SOX6: variants seen among roughly 807,000 people sequenced by gnomAD.
SOX6 encodes the protein SRY-box transcription factor 6, also known as transcription factor SOX-6.
In SOX6, 11 loss-of-function variants were observed where a neutral mutation model predicts 97.8. That is an observed-to-expected ratio of 0.11 (90% CI 0.07 to 0.19). SOX6 has a LOEUF of 0.19. SOX6 is among the 10% of genes least tolerant of loss of function. The pLI is 1.00. For synonymous variants in SOX6, 360 were observed against 371.4 expected, an observed-to-expected ratio of 0.97 and a Z score of 0.35; for missense variants, 810 against 1,039.5, an observed-to-expected ratio of 0.78 and a Z score of 3.04.
At chr11:16,499,712 G>A (rs530021120) in intron 4 of SOX6, among the ~76,000 whole-genome samples, 1 of 152,294 alleles carries the variant, frequency 6.6e-6, no homozygotes, top group East Asian at 1.9e-4. Context: ...AAATCTAGAA[G>A]AAATGGATAA....
At chr11:16,213,788 G>T (rs1246736468) in intron 4 of SOX6, among the ~76,000 whole-genome samples, 1 of 152,046 alleles carries the variant, frequency 6.6e-6, no homozygotes, top group African/African-American at 2.4e-5. Flanking sequence ...AAAAAATTAT[G>T]AACACCAATT....
intron 3 of SOX6, among the ~76,000 whole-genome samples, chr11:16,258,501 G>A (rs1286093057): frequency 2.0e-5 from 3 of 151,954 alleles, no homozygotes; most frequent in Admixed American, 6.6e-5. Flanking sequence ...TGGCATTCTA[G>A]AAAAAATAAA....
intron 3 of SOX6, among the ~76,000 whole-genome samples, chr11:16,689,294 A>G (rs1051161543): frequency 1.2e-4 from 18 of 152,108 alleles, no homozygotes; most frequent in African/African-American, 4.3e-4. Context: ...CTGAAGCTCT[A>G]GCCACACTGA....
chr11:16,197,236 T>A (rs1000781679), intron 4 of SOX6, among the ~76,000 whole-genome samples: 1 of 152,132 alleles, frequency 6.6e-6, no homozygotes, highest in African/African-American at 2.4e-5. Flanking sequence ...ATCAGCAAAC[T>A]AGAGAGTCCA....
intron 2 of SOX6, among the ~76,000 whole-genome samples, chr11:16,723,326 C>T (rs997223938): frequency 9.2e-5 from 14 of 151,786 alleles, no homozygotes; most frequent in African/African-American, 3.4e-4. Flanking sequence ...GGGCTTCTTG[C>T]GGAGGGGGAA....
intron 3 of SOX6, among the ~76,000 whole-genome samples, chr11:16,623,509 G>A (rs1448762621): frequency 1.3e-5 from 2 of 152,116 alleles, no homozygotes; most frequent in African/African-American, 4.8e-5. Context: ...CACTCAGTGG[G>A]TTGTCTGTTT....
At chr11:16,326,068 G>C (rs952304988) in intron 2 of SOX6, among the ~76,000 whole-genome samples, 2 of 152,110 alleles carry the variant, frequency 1.3e-5, no homozygotes, top group Admixed American at 1.3e-4. Context: ...ATTACCCAGT[G>C]TATGGTATTT....
intron 3 of SOX6, chr11:16,264,946 A>G (rs1460967949): frequency 6.6e-6 from 1 of 151,800 alleles, no homozygotes; most frequent in African/African-American, 2.4e-5. Flanking sequence ...GAGAGAGAGT[A>G]AACAAATGAG....
chr11:16,270,769 C>A (rs1386381700), intron 3 of SOX6, among the ~76,000 whole-genome samples: 5 of 151,232 alleles, frequency 3.3e-5, no homozygotes, highest in African/African-American at 1.2e-4. Context: ...AAGTCATACA[C>A]AAAAGGGCAA....
At chr11:16,080,940 T>C (rs1008834374) in intron 9 of SOX6, among the ~76,000 whole-genome samples, 2 of 151,854 alleles carry the variant, frequency 1.3e-5, no homozygotes, top group Non-Finnish European at 2.9e-5. Context: ...TTTAAAAAAA[T>C]TAGTCAGGCA....
At chr11:16,572,294 T>C (rs1397613566) in intron 4 of SOX6, among the ~76,000 whole-genome samples, 2 of 152,316 alleles carry the variant, frequency 1.3e-5, no homozygotes, top group East Asian at 3.9e-4. Context: ...GACATTGAAT[T>C]GTGCTTCTAA....
At position 16,028,959 on chromosome 11, in the gene SOX6, G is replaced by A. The variant is rs544499211; in HGVS notation, c.1624-13909C>T. Among the ~76,000 whole-genome samples the A allele has an allele frequency of 4.6e-5, 7 of 152,256 alleles. No homozygotes were observed. The South Asian group carries it at 1.2e-3, about 27-fold the overall frequency. On this transcript the variant is annotated intron_variant, in intron 12 of 15. Coordinates refer to ENST00000683767, the MANE Select transcript of SOX6 (RefSeq NM_001367873.1). ...ATTATATTAGGAAAAAACAAGGCTC[G>A]TCATCTTCACATTCAGAAATTAGAA...
chr11:15,991,216 GA>G (rs1564896706), intron 13 of SOX6, among the ~76,000 whole-genome samples: 2 of 151,946 alleles, frequency 1.3e-5, no homozygotes, highest in African/African-American at 4.8e-5. Flanking sequence ...TTTTTGCCAC[GA>G]TACCCACAGT....
In SOX6 at chr11:16,690,937, C is replaced by T. The variant is rs140648677; in HGVS notation, n.429+23893G>A. On this transcript the variant is annotated intron_variant and non_coding_transcript_variant, in intron 3 of 5. Coordinates refer to the SOX6 transcript ENST00000524520. ...AATAGAGGTCAAAGGCTTCATTCAG[C>T]TAATGTGCATTAGGAAGCATCTGAA... 1.2e-4 allele frequency among the ~76,000 whole-genome samples: 19 copies of T among 152,306 alleles called. No individual in the cohort carries two copies. The East Asian group carries it at 3.7e-3, about 29-fold the overall frequency.
chr11:16,712,251 T>C (rs1303136349), intron 3 of SOX6, among the ~76,000 whole-genome samples: 3 of 152,202 alleles, frequency 2.0e-5, no homozygotes, highest in African/African-American at 4.8e-5. Flanking sequence ...TCTTTCCCTC[T>C]GGGTAAATAC....
In SOX6 at chr11:16,648,316, C is replaced by A. The variant is rs575212219; in HGVS notation, n.430-36056G>T. ...TAACCCCATTTACCAGAGAATCACCCCCCAACCCTCACAGTGGCCATGGCA... is the reference window on the plus strand; with the variant it reads ...TAACCCCATTTACCAGAGAATCACCACCCAACCCTCACAGTGGCCATGGCA... On this transcript the variant is annotated intron_variant and non_coding_transcript_variant, in intron 3 of 5. Coordinates refer to the SOX6 transcript ENST00000524520. Among the ~76,000 whole-genome samples the A allele has an allele frequency of 4.4e-3, 672 of 152,120 alleles. 4 individuals carry two copies. The highest frequency in any genetic ancestry group is 0.016 in the African/African-American group (650 of 41,508).
intron 1 of SOX6, among the ~76,000 whole-genome samples, chr11:16,431,102 G>T (rs982494287): frequency 6.6e-6 from 1 of 151,998 alleles, no homozygotes; most frequent in African/African-American, 2.4e-5. Context: ...TGCTTGGTTT[G>T]CTTCTCCACT....
At chr11:16,290,419 C>G (rs1345546089) in intron 3 of SOX6, among the ~76,000 whole-genome samples, 1 of 151,926 alleles carries the variant, frequency 6.6e-6, no homozygotes, top group Admixed American at 6.6e-5. Flanking sequence ...CATCTTATGA[C>G]TAACACCTTG....
chr11:16,645,040 G>A (rs1403571939), intron 3 of SOX6, among the ~76,000 whole-genome samples: 2 of 152,094 alleles, frequency 1.3e-5, no homozygotes, highest in Non-Finnish European at 2.9e-5. Flanking sequence ...TTAATTTGGG[G>A]CTCTTTCAGC....
Sources: gnomAD v4.1 joint callset for allele counts (sites outside exome capture counted in the v4.1 genomes callset) on GRCh38, gnomAD v4.1.1 for gene constraint, MANE v1.5 for transcripts, NCBI Gene and HGNC (gene_info 2026-07-23, HGNC 2026-07-21) for gene names.